Variants in NUP214 observed in about 807,000 individuals in gnomAD.
NUP214 encodes nuclear pore complex protein Nup214.
In NUP214, 79 loss-of-function variants were observed where a neutral mutation model predicts 196.2. The observed-to-expected ratio is 0.40, with a 90% CI of 0.34 to 0.49. NUP214 has a LOEUF of 0.49. NUP214 is among the 20% of genes least tolerant of loss of function. The pLI is 0.58. For synonymous variants in NUP214, 1,020 were observed against 990.5 expected (o/e 1.03, Z -0.56); for missense variants, 2,468 against 2,539.0 (o/e 0.97, Z 0.60).
In NUP214 at chr9:131,224,284, A is replaced by G. The variant is rs10117258; in HGVS notation, c.5902+1354A>G. On this transcript the variant is annotated intron_variant, in intron 32 of 35. Coordinates refer to ENST00000359428, the MANE Select transcript of NUP214 (RefSeq NM_005085.4). ...ACAGTGTATGTTTAGATCTGAAAACATGTACTTCATTTCTGTCATCTGCCT... is the reference window on the plus strand; with the variant it reads ...ACAGTGTATGTTTAGATCTGAAAACGTGTACTTCATTTCTGTCATCTGCCT... 7.6e-3 allele frequency among the ~76,000 whole-genome samples: 1,151 copies of G among 152,306 alleles called. 16 individuals are homozygous for G. Among genetic ancestry groups the G allele is most frequent in the African/African-American group, 0.025 (1,058 of 41,558 alleles).
At chr9:131,202,150 C>G (rs763930782) in intron 30 of NUP214, among the ~76,000 whole-genome samples, 3 of 152,124 alleles carry the variant, frequency 2.0e-5, no homozygotes, top group Non-Finnish European at 2.9e-5. Context: ...TTTGTAGAGA[C>G]ACAGTCTCGC....
intron 18 of NUP214, among the ~76,000 whole-genome samples, chr9:131,159,872 CAAGA>C (rs1332041848): frequency 1.4e-5 from 2 of 146,946 alleles, no homozygotes; most frequent in African/African-American, 5.2e-5. Context: ...AAAAAAAAAA[CAAGA>C]AAGAGAAAAT....
rs752399089 is a variant in NUP214, at chr9:131,230,812, C to T, written c.6214+43C>T. 7.4e-5 allele frequency: 117 copies of T among 1,587,356 alleles called. No homozygotes were observed. The East Asian group carries it at 2.4e-3, about 33-fold the overall frequency. On this transcript the variant is annotated intron_variant, in intron 34 of 35. Transcript: ENST00000359428. ...CTCCCCTCACAAGCAAAATGGGTCC[C>T]TCTTGCCTTCTCCCCCAAAGAAATG...
chr9:131,167,075 T>TA (rs1832805931), intron 21 of NUP214: 3 of 152,216 alleles, frequency 2.0e-5, no homozygotes, highest in Admixed American at 1.3e-4. Flanking sequence ...CTGTCCCACT[T>TA]ACCCCTACAC....
At chr9:131,181,501 A>G (rs547408124) in intron 24 of NUP214, among the ~76,000 whole-genome samples, 3 of 152,234 alleles carry the variant, frequency 2.0e-5, no homozygotes, top group African/African-American at 2.4e-5. Context: ...ATTATTGACT[A>G]TCTTTTTGGT....
chr9:131,226,923 T>G (rs1834739963), intron 32 of NUP214, among the ~76,000 whole-genome samples: 1 of 152,214 alleles, frequency 6.6e-6, no homozygotes, highest in East Asian at 1.9e-4. Context: ...AGTCTGGATT[T>G]CATCCCTCTA....
At position 131,146,986 on chromosome 9, in the gene NUP214, ACAGT is replaced by A. The variant is rs1832103414; in HGVS notation, c.1946-497_1946-494del. 2.6e-5 allele frequency among the ~76,000 whole-genome samples: 4 copies of A among 150,962 alleles called. No homozygotes were observed. The South Asian group carries it at 8.4e-4, about 32-fold the overall frequency. ...CTGCAGTGATTATATTCATATTTTC[ACAGT>A]CAGTCATACTGTAAACAGGAAGTTT... On this transcript the variant is annotated intron_variant, in intron 13 of 35. Coordinates refer to ENST00000359428, the MANE Select transcript of NUP214 (RefSeq NM_005085.4). The surrounding 1 kb of genome is among the most constrained non-coding windows in gnomAD (Gnocchi z 4.6).
In NUP214 at chr9:131,125,819, GA is replaced by G; in HGVS notation, c.45+72del. ...TTGCCTTGGAGCCCAGCTGAAAGGC[GA>G]AGCGCGGTGCTGGCTGTCCCGCCTC... On this transcript the variant is annotated intron_variant, in intron 1 of 35. Transcript: ENST00000359428. The surrounding 1 kb of genome is among the most constrained non-coding windows in gnomAD (Gnocchi z 4.1). The G allele has an allele frequency of 6.6e-7, 1 of 1,512,482 alleles. No homozygotes were observed. The highest frequency in any genetic ancestry group is 9.0e-7 in the Non-Finnish European group (1 of 1,113,586). The allele number at this position is 1,512,482 out of a possible 1,614,324, so 93.7% of individuals were successfully genotyped here.
intron 9 of NUP214, among the ~76,000 whole-genome samples, 166 bp downstream of exon 9, chr9:131,136,172 T>C (rs548283231): frequency 6.6e-6 from 1 of 152,344 alleles, no homozygotes; most frequent in South Asian, 2.1e-4. Flanking sequence ...CCCAAGTAGC[T>C]GGGACTGTAG....
At chr9:131,189,498 C>G (rs1833543093) in intron 26 of NUP214, among the ~76,000 whole-genome samples, 1 of 152,138 alleles carries the variant, frequency 6.6e-6, no homozygotes, top group Non-Finnish European at 1.5e-5. Context: ...GATCAGAATG[C>G]TAAACGCTAT....
At chr9:131,188,415 C>T (rs1021361137) in intron 25 of NUP214, among the ~76,000 whole-genome samples, 1 of 152,234 alleles carries the variant, frequency 6.6e-6, no homozygotes, top group Non-Finnish European at 1.5e-5. Context: ...TCTCTCACTA[C>T]TCTTACATCT....
At chr9:131,203,444 C>T (rs1833995906) in intron 30 of NUP214, among the ~76,000 whole-genome samples, 2 of 152,132 alleles carry the variant, frequency 1.3e-5, no homozygotes, top group Non-Finnish European at 2.9e-5. Flanking sequence ...AAGAAAGATA[C>T]CCTAATTTAT....
intron 8 of NUP214, 80 bp from the exon 9 acceptor site, chr9:131,135,860 C>T: frequency 9.3e-7 from 1 of 1,075,184 alleles, no homozygotes; most frequent in Non-Finnish European, 1.4e-6. Context: ...GCAGCCCTCA[C>T]AGGTGTTACC....
chr9:131,178,528 A>G, intron 24 of NUP214, 118 bp downstream of exon 24: 1 of 688,066 alleles, frequency 1.5e-6, no homozygotes, highest in South Asian at 1.8e-5. Flanking sequence ...GCCTTAGGTT[A>G]TAAGGGGGGT....
chr9:131,173,159 C>G (rs914042637), intron 21 of NUP214, among the ~76,000 whole-genome samples: 1 of 152,100 alleles, frequency 6.6e-6, no homozygotes, highest in Non-Finnish European at 1.5e-5. Flanking sequence ...CGGGTTCAAG[C>G]GATTCTCCTG....
chr9:131,131,087 CT>C (rs1054177669), intron 5 of NUP214, among the ~76,000 whole-genome samples: 1 of 151,934 alleles, frequency 6.6e-6, no homozygotes, highest in Non-Finnish European at 1.5e-5. Flanking sequence ...TGGGTAGCTG[CT>C]TTTTTTTTGT....
intron 17 of NUP214, among the ~76,000 whole-genome samples, chr9:131,156,090 A>G (rs1377849777): frequency 2.0e-5 from 3 of 146,970 alleles, no homozygotes; most frequent in Non-Finnish European, 4.5e-5. Context: ...TTTTCACAAT[A>G]TTGATTCTAC....
chr9:131,226,340 T>A (rs1834723783), intron 32 of NUP214, among the ~76,000 whole-genome samples: 1 of 152,174 alleles, frequency 6.6e-6, no homozygotes, highest in Admixed American at 6.5e-5. Flanking sequence ...AGGAGAGAGT[T>A]GCCTCTTTAA....
At chr9:131,137,610 G>A (rs977736350) in intron 9 of NUP214, among the ~76,000 whole-genome samples, 13 of 144,928 alleles carry the variant, frequency 9.0e-5, no homozygotes, top group Admixed American at 8.5e-4. Context: ...CAGTGCATTG[G>A]CGCCATCTTG....
Sources: allele counts gnomAD v4.1 joint callset (sites outside exome capture counted in the v4.1 genomes callset), GRCh38; gene constraint gnomAD v4.1.1; non-coding constraint Gnocchi (gnomAD v3.1); transcripts MANE v1.5; gene names NCBI Gene and HGNC (gene_info 2026-07-23, HGNC 2026-07-21).